Variants in SUGCT observed in about 807,000 individuals in gnomAD.
The protein encoded by SUGCT is succinyl-CoA:glutarate CoA-transferase.
SUGCT carries 41 observed loss-of-function variants against 55.0 expected under a neutral mutation model. The observed-to-expected ratio is 0.74, with a 90% CI of 0.58 to 0.97. SUGCT has a LOEUF of 0.97. Ranked by LOEUF, SUGCT falls within the 50% of genes least tolerant of loss-of-function variation. The pLI is 0.00. For missense variants in SUGCT, 568 were observed against 547.8 expected, an observed-to-expected ratio of 1.04 and a Z score of -0.37; for synonymous variants, 187 against 200.4, an observed-to-expected ratio of 0.93 and a Z score of 0.56.
intron 12 of SUGCT, among the ~76,000 whole-genome samples, chr7:40,677,544 A>G (rs910274530): frequency 6.6e-6 from 1 of 152,164 alleles, no homozygotes; most frequent in African/African-American, 2.4e-5. Context: ...AGAAACTGGG[A>G]GGAAGGTGCT....
intron 6 of SUGCT, among the ~76,000 whole-genome samples, chr7:40,237,302 G>GGT (rs1381078311): frequency 6.6e-6 from 1 of 151,932 alleles, no homozygotes; most frequent in Admixed American, 6.6e-5. Flanking sequence ...AAATTAGCTG[G>GGT]GTGTGATGGT....
intron 13 of SUGCT, among the ~76,000 whole-genome samples, chr7:40,758,598 G>A (rs1788375938): frequency 6.6e-6 from 1 of 151,992 alleles, no homozygotes; most frequent in Non-Finnish European, 1.5e-5. Context: ...AGGTATGTGG[G>A]CCTTATTGCT....
intron 7 of SUGCT, among the ~76,000 whole-genome samples, chr7:40,244,871 G>A (rs1003661726): frequency 7.2e-5 from 11 of 152,048 alleles, no homozygotes; most frequent in Non-Finnish European, 1.5e-4. Context: ...GTATGATTAT[G>A]TTGGGACATA....
At chr7:40,568,888 G>C (rs1357035548) in intron 12 of SUGCT, among the ~76,000 whole-genome samples, 2 of 152,298 alleles carry the variant, frequency 1.3e-5, no homozygotes, top group South Asian at 4.1e-4. Context: ...TAAAGGACTT[G>C]GGTTTGAATC....
At chr7:40,772,712 C>T (rs1024537392) in intron 13 of SUGCT, among the ~76,000 whole-genome samples, 6 of 151,720 alleles carry the variant, frequency 4.0e-5, no homozygotes, top group South Asian at 4.2e-4. Flanking sequence ...TCACTGCAGC[C>T]GCAACCTCCC....
chr7:40,290,054 C>A (rs1178386711), intron 8 of SUGCT, among the ~76,000 whole-genome samples: 2 of 151,996 alleles, frequency 1.3e-5, no homozygotes, highest in African/African-American at 4.8e-5. Flanking sequence ...TAGGAAGAAT[C>A]AATATCATGA....
At chr7:40,173,346 G>A (rs1002707441) in intron 1 of SUGCT, among the ~76,000 whole-genome samples, 1 of 152,232 alleles carries the variant, frequency 6.6e-6, no homozygotes, top group Non-Finnish European at 1.5e-5. Context: ...AGGGGTGGAA[G>A]TCAGCGGCGG....
intron 12 of SUGCT, among the ~76,000 whole-genome samples, chr7:40,722,270 A>G (rs1786381011): frequency 6.6e-6 from 1 of 152,240 alleles, no homozygotes; most frequent in Non-Finnish European, 1.5e-5. Context: ...AAGCAAGCAT[A>G]CAGCTCTTCA....
the SUGCT span, among the ~76,000 whole-genome samples, chr7:41,021,249 T>A: frequency 3.3e-5 from 5 of 152,166 alleles, no homozygotes; most frequent in Non-Finnish European, 7.4e-5. Flanking sequence ...GAAATCCACA[T>A]GGAATCTGGT....
intron 1 of SUGCT, among the ~76,000 whole-genome samples, chr7:40,157,079 A>G (rs1412133738): frequency 1.3e-5 from 2 of 152,134 alleles, no homozygotes; most frequent in Non-Finnish European, 1.5e-5. Flanking sequence ...AGCATAGAAA[A>G]GTAGAACCTG....
At chr7:40,668,640 C>T (rs1038333519) in intron 12 of SUGCT, among the ~76,000 whole-genome samples, 3 of 152,130 alleles carry the variant, frequency 2.0e-5, no homozygotes, top group African/African-American at 4.8e-5. Flanking sequence ...TTAGACATCT[C>T]AAGACCCAAG....
chr7:40,272,731 CTCACTGCA>C (rs1792173680), intron 7 of SUGCT, among the ~76,000 whole-genome samples: 1 of 150,702 alleles, frequency 6.6e-6, no homozygotes, highest in Non-Finnish European at 1.5e-5. Context: ...ACGATCTCAG[CTCACTGCA>C]GCCTCCGCCT....
At chr7:40,874,423 A>T in the SUGCT span, among the ~76,000 whole-genome samples, 2 of 152,176 alleles carry the variant, frequency 1.3e-5, no homozygotes, top group African/African-American at 4.8e-5. Flanking sequence ...TATTAAGTTA[A>T]CTAGATTATA....
At chr7:40,283,552 A>G (rs542059893) in intron 8 of SUGCT, among the ~76,000 whole-genome samples, 11 of 152,150 alleles carry the variant, frequency 7.2e-5, no homozygotes, top group East Asian at 3.9e-4. Context: ...AACAAGACAT[A>G]CAAGTGGCCA....
intron 13 of SUGCT, among the ~76,000 whole-genome samples, chr7:40,788,230 AC>A (rs1790129182): frequency 6.6e-6 from 1 of 152,124 alleles, no homozygotes; most frequent in African/African-American, 2.4e-5. Flanking sequence ...ATGAGGCAGG[AC>A]CCCTTCCCCG....
intron 12 of SUGCT, among the ~76,000 whole-genome samples, chr7:40,671,858 G>A (rs2151871842): frequency 6.6e-6 from 1 of 152,210 alleles, no homozygotes; most frequent in African/African-American, 2.4e-5. Context: ...TTATTTAGAG[G>A]CAAAGGATCT....
chr7:40,212,811 G>T (rs932761480), intron 6 of SUGCT, among the ~76,000 whole-genome samples: 1 of 152,158 alleles, frequency 6.6e-6, no homozygotes, highest in African/African-American at 2.4e-5. Context: ...GGGATTACAG[G>T]TGTGAGCCAC....
chr7:40,543,174 A>G (rs1176684838), intron 12 of SUGCT, among the ~76,000 whole-genome samples: 1 of 152,120 alleles, frequency 6.6e-6, no homozygotes, highest in Admixed American at 6.6e-5. Context: ...CTCCCTTGCT[A>G]TTTACACTTC....
chr7:40,249,343 ATATAAT>A (rs1326681018), intron 7 of SUGCT, among the ~76,000 whole-genome samples: 7 of 124,106 alleles, frequency 5.6e-5, no homozygotes, highest in African/African-American at 2.1e-4. Flanking sequence ...ATATATATAT[ATATAAT>A]TATATTATAT....
Sources: gnomAD v4.1 joint callset for allele counts (sites outside exome capture counted in the v4.1 genomes callset) on GRCh38, gnomAD v4.1.1 for gene constraint, MANE v1.5 for transcripts, NCBI Gene and HGNC (gene_info 2026-07-23, HGNC 2026-07-21) for gene names.